The following GPR176 variants were observed in gnomAD, a reference collection of about 807,000 sequenced individuals.
The protein encoded by GPR176 is G-protein coupled receptor 176.
Under a neutral mutation model 35.4 loss-of-function variants are expected in GPR176, and 26 were observed. That is an observed-to-expected ratio of 0.74 (90% CI 0.54 to 1.02). GPR176 has a LOEUF of 1.02. Among genes scored for constraint, GPR176 ranks in the 50% least tolerant of loss-of-function variants. The probability of loss-of-function intolerance (pLI) is 0.00; values close to 1 mark genes in which losing one functional copy is unlikely to be tolerated. For synonymous variants in GPR176, 278 were observed against 271.3 expected (o/e 1.02, Z -0.24); for missense variants, 597 against 665.3 (o/e 0.90, Z 1.13).
In GPR176 at chr15:39,800,284, T is replaced by C. The variant is rs997053088; in HGVS notation, c.*848A>G. 1.3e-5 allele frequency: 2 copies of C among 152,140 alleles called. No homozygotes were observed. Among genetic ancestry groups the C allele is most frequent in the Non-Finnish European group, 1.5e-5 (1 of 68,028 alleles). 9.4% of individuals were successfully genotyped at this position (152,140 alleles called of 1,614,324 possible). On this transcript the variant is annotated 3_prime_UTR_variant, in exon 3 of 3. Coordinates refer to ENST00000561100, the MANE Select transcript of GPR176 (RefSeq NM_007223.3). ...GAGATCATAGGGAAGAAAAAAAAAC[T>C]ACAGCGCCATAGGCATCTCTCAGGC...
At chr15:39,887,644 T>C (rs1478275393) in intron 1 of GPR176, among the ~76,000 whole-genome samples, 5 of 151,908 alleles carry the variant, frequency 3.3e-5, no homozygotes, top group African/African-American at 1.2e-4. Flanking sequence ...CTTTTACTTG[T>C]CTAAAGCTTC....
intron 2 of GPR176, among the ~76,000 whole-genome samples, chr15:39,804,797 A>G (rs546321412): frequency 6.6e-6 from 1 of 152,342 alleles, no homozygotes; most frequent in African/African-American, 2.4e-5. Context: ...ATTCTATAAC[A>G]TGAACTTTGA....
chr15:39,813,013 G>C (rs1899673324), intron 1 of GPR176, among the ~76,000 whole-genome samples: 2 of 152,124 alleles, frequency 1.3e-5, no homozygotes, highest in African/African-American at 2.4e-5. Flanking sequence ...TGAATTACAG[G>C]CATGAGCCAC....
At chr15:39,867,717 A>G (rs1454518117) in intron 1 of GPR176, among the ~76,000 whole-genome samples, 1 of 152,146 alleles carries the variant, frequency 6.6e-6, no homozygotes, top group Non-Finnish European at 1.5e-5. Flanking sequence ...CAGATCCTGG[A>G]GGCATATTTA....
chr15:39,878,324 T>A (rs2032336410), intron 1 of GPR176, among the ~76,000 whole-genome samples: 1 of 152,178 alleles, frequency 6.6e-6, no homozygotes, highest in African/African-American at 2.4e-5. Flanking sequence ...TCTGCTTCCA[T>A]GAGTTCAATG....
intron 1 of GPR176, among the ~76,000 whole-genome samples, chr15:39,827,905 A>AATGTCCATCATTAGGATAAATTGTGGC: frequency 6.6e-6 from 1 of 152,208 alleles, no homozygotes; most frequent in Non-Finnish European, 1.5e-5. Context: ...AAACAATCTG[A>AATGTCCATCATTAGGATAAATTGTGGC]ATGTCCATCA....
At chr15:39,840,571 T>C (rs1248559975) in intron 1 of GPR176, among the ~76,000 whole-genome samples, 5 of 152,156 alleles carry the variant, frequency 3.3e-5, no homozygotes, top group Non-Finnish European at 5.9e-5. Context: ...ATATGGCACA[T>C]GTATACATAT....
At chr15:39,917,922 G>C (rs894197849) in intron 1 of GPR176, among the ~76,000 whole-genome samples, 2 of 151,686 alleles carry the variant, frequency 1.3e-5, no homozygotes, top group African/African-American at 4.8e-5. Context: ...GTGGGTGCCT[G>C]TAATCCCAGC....
intron 1 of GPR176, among the ~76,000 whole-genome samples, chr15:39,900,335 T>C (rs1427278303): frequency 2.0e-5 from 3 of 151,918 alleles, no homozygotes; most frequent in Non-Finnish European, 4.4e-5. Context: ...ACATGAAGGA[T>C]AATATGTGAA....
chr15:39,835,235 G>A (rs1304144148), intron 1 of GPR176, among the ~76,000 whole-genome samples: 1 of 151,908 alleles, frequency 6.6e-6, no homozygotes, highest in Non-Finnish European at 1.5e-5. Context: ...GGTCAGGCTG[G>A]TCTCGAACTC....
rs1303490632 is a variant in GPR176, at chr15:39,807,653, A to C, written c.173-395T>G. The C allele has an allele frequency of 8.0e-6, 6 of 746,646 alleles. No homozygotes were observed. In the East Asian group the frequency reaches 1.3e-4, roughly 17 times the overall value. The allele number at this position is 746,646 out of a possible 1,614,324, so 46.3% of individuals were successfully genotyped here. ...GCAACAGAAATACAGTGCAAACCGCACATGTCATCTTAAATTTATGGTAGC... is the reference window on the plus strand; with the variant it reads ...GCAACAGAAATACAGTGCAAACCGCCCATGTCATCTTAAATTTATGGTAGC... On this transcript the variant is annotated intron_variant, in intron 1 of 2. Coordinates refer to ENST00000561100, the MANE Select transcript of GPR176 (RefSeq NM_007223.3).
intron 1 of GPR176, among the ~76,000 whole-genome samples, chr15:39,885,057 C>T (rs534995920): frequency 6.6e-6 from 1 of 152,190 alleles, no homozygotes; most frequent in African/African-American, 2.4e-5. Context: ...AGTTTTTTTC[C>T]CTTCAAGAAA....
chr15:39,900,371 C>T (rs753115452), intron 1 of GPR176, among the ~76,000 whole-genome samples: 3 of 152,048 alleles, frequency 2.0e-5, no homozygotes, highest in Non-Finnish European at 2.9e-5. Flanking sequence ...ATTCTTCATC[C>T]ACAACAACAT....
intron 1 of GPR176, among the ~76,000 whole-genome samples, chr15:39,849,184 C>A (rs1595477182): frequency 6.6e-6 from 1 of 152,040 alleles, no homozygotes; most frequent in African/African-American, 2.4e-5. Context: ...AACGAAATAA[C>A]CATACACACA....
intron 1 of GPR176, among the ~76,000 whole-genome samples, chr15:39,846,130 T>C (rs1369442203): frequency 6.6e-6 from 1 of 152,200 alleles, no homozygotes; most frequent in African/African-American, 2.4e-5. Context: ...TACTTTTCCC[T>C]ATTTGTCCCA....
intron 1 of GPR176, among the ~76,000 whole-genome samples, chr15:39,864,646 G>A (rs1188288085): frequency 6.6e-6 from 1 of 151,982 alleles, no homozygotes; most frequent in Non-Finnish European, 1.5e-5. Context: ...AAGAATTCAC[G>A]ACTAACACCT....
At chr15:39,898,831 A>G (rs1423465323) in intron 1 of GPR176, among the ~76,000 whole-genome samples, 1 of 152,218 alleles carries the variant, frequency 6.6e-6, no homozygotes, top group African/African-American at 2.4e-5. Flanking sequence ...TGACTATGAA[A>G]GGAAGAAGAA....
chr15:39,843,291 G>C lies in GPR176; in HGVS notation c.173-36033C>G, dbSNP rs138923427. ...TGAAGAGGCTGATGTCCTCCAAGTA[G>C]GGCACAAAAGATAGTACAAAATGGC... On this transcript the variant is annotated intron_variant, in intron 1 of 2. Coordinates refer to ENST00000561100, the MANE Select transcript of GPR176 (RefSeq NM_007223.3). Among the ~76,000 whole-genome samples, 237 of 152,120 alleles carry C rather than the reference G, an allele frequency of 1.6e-3. 1 individual carries two copies. The highest frequency in any genetic ancestry group is 2.4e-3 in the Non-Finnish European group (163 of 67,978).
intron 1 of GPR176, among the ~76,000 whole-genome samples, 187 bp downstream of exon 1, chr15:39,919,668 G>C (rs2033821927): frequency 6.6e-6 from 1 of 152,162 alleles, no homozygotes; most frequent in Non-Finnish European, 1.5e-5. Flanking sequence ...CTGCTCCCGC[G>C]TGGGGGCTGG....
Sources: allele counts gnomAD v4.1 joint callset (sites outside exome capture counted in the v4.1 genomes callset), GRCh38; gene constraint gnomAD v4.1.1; transcripts MANE v1.5; gene names NCBI Gene and HGNC (gene_info 2026-07-23, HGNC 2026-07-21).